The following SLC12A4 variants were observed in gnomAD, a reference collection of about 807,000 sequenced individuals.
SLC12A4 encodes electroneutral potassium-chloride cotransporter 1.
Under a neutral mutation model 119.2 loss-of-function variants are expected in SLC12A4, and 84 were observed. The ratio of observed to expected loss-of-function variants is 0.70; its 90% CI spans 0.59 to 0.85. The LOEUF (loss-of-function observed/expected upper bound fraction) is 0.85, where lower values mean the gene tolerates loss of function less well. Among genes scored for constraint, SLC12A4 ranks in the 40% least tolerant of loss-of-function variants. The pLI is 0.00. For missense variants in SLC12A4, 1,298 were observed against 1,476.3 expected (o/e 0.88, Z 1.98); for synonymous variants, 599 against 604.6 (o/e 0.99, Z 0.14).
At chr16:67,952,871 G>C (rs2030009618) in intron 6 of SLC12A4, among the ~76,000 whole-genome samples, 1 of 151,488 alleles carries the variant, frequency 6.6e-6, no homozygotes, top group Admixed American at 6.6e-5. Context: ...TGGATCACTT[G>C]AGGTCAGGAG....
At chr16:67,947,473 G>C (rs753326473) in intron 15 of SLC12A4, 38 bp from the exon 16 acceptor site, 1 of 1,583,254 alleles carries the variant, frequency 6.3e-7, no homozygotes. Context: ...CCCTGGTGCC[G>C]CCCAGGGGGT....
intron 1 of SLC12A4, chr16:67,964,200 G>A (rs1425291725): frequency 9.3e-7 from 1 of 1,074,164 alleles, no homozygotes; most frequent in African/African-American, 1.6e-5. Flanking sequence ...GTGTCGGACT[G>A]AGCAGGGAGA....
chr16:67,959,680 T>A (rs980627104), intron 3 of SLC12A4, among the ~76,000 whole-genome samples: 1 of 152,068 alleles, frequency 6.6e-6, no homozygotes, highest in South Asian at 2.1e-4. Context: ...GAGCTCCCAG[T>A]CCCACCCCCA....
intron 1 of SLC12A4, chr16:67,964,195 G>A (rs2030754877): frequency 9.0e-7 from 1 of 1,113,014 alleles, no homozygotes; most frequent in Non-Finnish European, 1.2e-6. Flanking sequence ...GGTGGGTGTC[G>A]GACTGAGCAG....
Position 67,950,968 on chromosome 16 carries a change from G to A in SLC12A4, c.1390C>T (p.Leu464Phe), listed in dbSNP as rs138731837. Residue 464 changes from leucine to phenylalanine, a missense_variant, in exon 10 of 24, where the codon CTC becomes TTC. Physicochemically the swap from Leu to Phe is conservative, Grantham distance 22 (BLOSUM62 0). Transcript: ENST00000316341. The surrounding 1 kb of genome is among the most constrained non-coding windows in gnomAD (Gnocchi z 4.3). ...CAGGCCTGGGAAAGGATACACACGA[G>A]GGAAGTTGTAATGATGGCCAGAATG... ...GTILAIITTSLVYFSSVVLFG... is the reference protein window; with the variant it reads ...GTILAIITTSFVYFSSVVLFG... The A allele has an allele frequency of 2.9e-5, 47 of 1,613,574 alleles. No individual in the cohort carries two copies. Among genetic ancestry groups the A allele is most frequent in the Non-Finnish European group, 3.8e-5 (45 of 1,179,894 alleles).
Position 67,963,485 on chromosome 16 carries a change from T to C in SLC12A4, c.190A>G (p.Arg64Gly). 6.3e-7 allele frequency: 1 copy of C among 1,580,680 alleles called. No homozygotes were observed. The highest frequency in any genetic ancestry group is 8.5e-7 in the Non-Finnish European group (1 of 1,170,350). The change falls in exon 2 of 24, where the codon AGG becomes GGG. Residue 64 changes from arginine to glycine, a missense_variant. Coordinates refer to ENST00000316341, the MANE Select transcript of SLC12A4 (RefSeq NM_005072.5). ...GCTACCTCAAACAGTGCCAGGTTCC[T>C]GTCATAGTAGTCAATTCCTCTGGAA... ...EASRGIDYYD[R>G]NLALFEEELD...
At chr16:67,952,611 C>T (rs2029991399) in intron 6 of SLC12A4, among the ~76,000 whole-genome samples, 186 bp from the exon 7 acceptor site, 1 of 150,380 alleles carries the variant, frequency 6.6e-6, no homozygotes, top group Non-Finnish European at 1.5e-5. Flanking sequence ...CTAGCCTGGC[C>T]AACATGGGGA....
intron 1 of SLC12A4, chr16:67,966,999 G>C (rs2030897134): frequency 2.1e-6 from 2 of 971,892 alleles, no homozygotes; most frequent in South Asian, 1.9e-5. Flanking sequence ...TGGGGATGCA[G>C]CCCAGTCTAC....
In SLC12A4 at chr16:67,943,915, G is replaced by T. The variant is rs1417185126; in HGVS notation, c.*925C>A. The T allele has an allele frequency of 1.3e-6, 2 of 1,526,864 alleles. No individual in the cohort carries two copies. Among genetic ancestry groups the T allele is most frequent in the African/African-American group, 2.7e-5 (2 of 72,774 alleles). The allele number at this position is 1,526,864 out of a possible 1,614,324, so 94.6% of individuals were successfully genotyped here. ...TGGGGCCCAGGCTCCCCAGGGTCTGGCGTGGTGCATCAGGGGCCTGGTGGG... is the reference window on the plus strand; with the variant it reads ...TGGGGCCCAGGCTCCCCAGGGTCTGTCGTGGTGCATCAGGGGCCTGGTGGG... On this transcript the variant is annotated 3_prime_UTR_variant, in exon 24 of 24. Transcript: ENST00000316341. This position sits in a 1 kb window ranked among gnomAD's most constrained non-coding sequence, Gnocchi z 4.6.
Position 67,944,562 on chromosome 16 carries a change from C to G in SLC12A4, c.*278G>C. On this transcript the variant is annotated 3_prime_UTR_variant, in exon 24 of 24. Transcript: ENST00000316341. This position sits in a 1 kb window ranked among gnomAD's most constrained non-coding sequence, Gnocchi z 6.6. ...TGGGCCGGGCCGGCTGCCTTCAAACCCCACTCGGCCCCTACCAGTCTTCTC... is the reference window on the plus strand; with the variant it reads ...TGGGCCGGGCCGGCTGCCTTCAAACGCCACTCGGCCCCTACCAGTCTTCTC... 4 of 1,299,946 alleles carry G rather than the reference C, an allele frequency of 3.1e-6. No individual in the cohort carries two copies. Among genetic ancestry groups the G allele is most frequent in the Non-Finnish European group, 3.9e-6 (4 of 1,024,814 alleles). 80.5% of individuals were successfully genotyped at this position (1,299,946 alleles called of 1,614,324 possible).
rs772152886 is a variant in SLC12A4 at position 67,954,703 on chromosome 16, G to C, written c.615C>G (p.Phe205Leu). 20 of 1,614,088 alleles carry C rather than the reference G, an allele frequency of 1.2e-5. No homozygotes were observed. The highest frequency in any genetic ancestry group is 1.4e-5 in the Non-Finnish European group (17 of 1,180,038). ...PEFGGAVGLC[F>L]YLGTTFAAAM... ...CTGCTGCGAATGTTGTTCCCAGGTA[G>C]AAGCACAGGCCCACAGCACCTCCAA... The change falls in exon 6 of 24, where the codon TTC (phenylalanine) becomes TTG (leucine). Residue 205 changes from phenylalanine to leucine, a missense_variant. Physicochemically the swap from Phe to Leu is conservative, Grantham distance 22. Transcript: ENST00000316341.
At position 67,951,622 on chromosome 16, in the gene SLC12A4, G is replaced by A. The variant is rs2029910986; in HGVS notation, c.1132+201C>T. On this transcript the variant is annotated intron_variant, in intron 8 of 23. Coordinates refer to ENST00000316341, the MANE Select transcript of SLC12A4 (RefSeq NM_005072.5). This position sits in a 1 kb window ranked among gnomAD's most constrained non-coding sequence, Gnocchi z 5.2. Reference sequence around the variant, plus strand: ...TGGTGGCTGGGGAAGACAGGCTGCTGCAGGCCTTGGACGCTGGCCAGACAG... The same window carrying A: ...TGGTGGCTGGGGAAGACAGGCTGCTACAGGCCTTGGACGCTGGCCAGACAG... 4 of 617,570 alleles carry A rather than the reference G, an allele frequency of 6.5e-6. No individual in the cohort carries two copies. In the East Asian group the frequency reaches 1.1e-4, roughly 17 times the overall value. 38.3% of individuals were successfully genotyped at this position (617,570 alleles called of 1,614,324 possible).
chr16:67,968,561 GCTCGGCCCCGCCGCACCCGCCGT>G lies in SLC12A4; in HGVS notation c.-31_-9del. ...CACGGTGAAGTGAGGCATCGTGCGGGCTCGGCCCCGCCGCACCCGCCGTCCCAGCCGCCCGCCGCTGTCCCCGC... is the reference window on the plus strand; with the variant it reads ...CACGGTGAAGTGAGGCATCGTGCGGGCCCAGCCGCCCGCCGCTGTCCCCGC... On this transcript the variant is annotated 5_prime_UTR_variant, in exon 1 of 24. Coordinates refer to ENST00000316341, the MANE Select transcript of SLC12A4 (RefSeq NM_005072.5). 1 of 1,501,088 alleles carries G rather than the reference GCTCGGCCCCGCCGCACCCGCCGT, an allele frequency of 6.7e-7. No individual in the cohort carries two copies. Among genetic ancestry groups the G allele is most frequent in the Non-Finnish European group, 8.9e-7 (1 of 1,129,590 alleles). The allele number at this position is 1,501,088 out of a possible 1,614,324, so 93.0% of individuals were successfully genotyped here. A position where few individuals can be genotyped will look rare whatever the true frequency, so the allele number is the denominator to read the frequency against.
chr16:67,952,697 G>A (rs952631913), intron 6 of SLC12A4, among the ~76,000 whole-genome samples: 2 of 151,992 alleles, frequency 1.3e-5, no homozygotes, highest in African/African-American at 2.4e-5. Context: ...GCTGAGGCAG[G>A]AGGATCGCCT....
chr16:67,947,517 GC>G, intron 15 of SLC12A4, 82 bp from the exon 16 acceptor site: 14 of 1,502,228 alleles, frequency 9.3e-6, no homozygotes, highest in Non-Finnish European at 1.3e-5. Context: ...GAGGGGTTCT[GC>G]CCCTCAAGAC....
intron 1 of SLC12A4, among the ~76,000 whole-genome samples, chr16:67,968,104 A>T (rs1257650138): frequency 6.6e-6 from 1 of 152,062 alleles, no homozygotes; most frequent in African/African-American, 2.4e-5. Flanking sequence ...AAGGGCCGGG[A>T]AGGGCCTGAG....
chr16:67,953,629 T>C (rs940785401), intron 6 of SLC12A4, among the ~76,000 whole-genome samples: 1 of 152,152 alleles, frequency 6.6e-6, no homozygotes, highest in Non-Finnish European at 1.5e-5. Context: ...CTATAAAACA[T>C]TGAATTGTAC....
At chr16:67,956,428 G>A (rs556687279) in intron 5 of SLC12A4, among the ~76,000 whole-genome samples, 1 of 152,108 alleles carries the variant, frequency 6.6e-6, no homozygotes, top group South Asian at 2.1e-4. Flanking sequence ...GCTCACACCC[G>A]TAATCCCAGC....
rs921169776 is a variant in SLC12A4 at position 67,944,027 on chromosome 16, G to A, written c.*813C>T. 2 of 1,547,726 alleles carry A rather than the reference G, an allele frequency of 1.3e-6. No individual in the cohort carries two copies. The highest frequency in any genetic ancestry group is 2.7e-5 in the African/African-American group (2 of 72,954). On this transcript the variant is annotated 3_prime_UTR_variant, in exon 24 of 24. Transcript: ENST00000316341. The surrounding 1 kb of genome is among the most constrained non-coding windows in gnomAD (Gnocchi z 6.6). The stretch of plus-strand genomic sequence containing the variant: ...GGGGGAAGAGCACATTGAGGAGCCA[G>A]AAGGGGGCGGCAGGAGGGAGCAGCA...
Sources: allele counts gnomAD v4.1 joint callset (sites outside exome capture counted in the v4.1 genomes callset), GRCh38; gene constraint gnomAD v4.1.1; non-coding constraint Gnocchi (gnomAD v3.1); transcripts MANE v1.5; gene names NCBI Gene and HGNC (gene_info 2026-07-23, HGNC 2026-07-21).